CHCHD4: variants seen among roughly 807,000 people sequenced by gnomAD.
CHCHD4 encodes the protein mitochondrial intermembrane space import and assembly protein 40.
CHCHD4 carries 7 observed loss-of-function variants against 12.4 expected under a neutral mutation model. That is an observed-to-expected ratio of 0.57 (90% CI 0.32 to 1.06). The LOEUF is 1.06. Among genes scored for constraint, CHCHD4 ranks in the 50% least tolerant of loss-of-function variants. The pLI, the probability that CHCHD4 is intolerant of heterozygous loss-of-function variation, is 0.04. For synonymous variants in CHCHD4, 56 were observed against 58.0 expected, an observed-to-expected ratio of 0.97 and a Z score of 0.16; for missense variants, 143 against 175.1, an observed-to-expected ratio of 0.82 and a Z score of 1.03.
intron 2 of CHCHD4, among the ~76,000 whole-genome samples, chr3:14,113,763 T>C (rs1694847023): frequency 6.6e-6 from 1 of 152,216 alleles, no homozygotes; most frequent in African/African-American, 2.4e-5. Flanking sequence ...GAGAAGCTGG[T>C]GGCATACCAT....
chr3:14,115,094 A>G (rs73817811), intron 2 of CHCHD4, among the ~76,000 whole-genome samples: 2,434 of 152,308 alleles, frequency 0.016, 64 homozygotes, highest in African/African-American at 0.055. Flanking sequence ...ATGGTGGCTT[A>G]CTTGGTCCAC....
intron 1 of CHCHD4, among the ~76,000 whole-genome samples, chr3:14,124,408 CCT>C (rs1179359809): frequency 6.6e-6 from 1 of 152,210 alleles, no homozygotes; most frequent in African/African-American, 2.4e-5. Flanking sequence ...CGCACAGGCC[CCT>C]CTGAGGTCAG....
intron 1 of CHCHD4, chr3:14,122,182 T>G: frequency 6.8e-7 from 1 of 1,460,304 alleles, no homozygotes; most frequent in Non-Finnish European, 9.0e-7. Context: ...AAAGGATGTC[T>G]GAAGCCTCAG....
In CHCHD4 at chr3:14,118,941, T is replaced by C. The variant is rs57249591; in HGVS notation, c.23-2417A>G. 4.3e-3 allele frequency among the ~76,000 whole-genome samples: 659 copies of C among 152,190 alleles called. 10 individuals are homozygous for C. The highest frequency in any genetic ancestry group is 0.015 in the African/African-American group (623 of 41,522). On this transcript the variant is annotated intron_variant, in intron 1 of 2. Transcript: ENST00000396914. ...GCACAGAAAGCAAAGGGTCCAAACG[T>C]GGTAAAGTATGAGGCCCTCCTGGGG...
intron 1 of CHCHD4, among the ~76,000 whole-genome samples, chr3:14,118,055 T>C (rs1199507002): frequency 1.3e-5 from 2 of 152,252 alleles, no homozygotes. Flanking sequence ...ACAAGATCTT[T>C]CTTGTACTTT....
intron 1 of CHCHD4, chr3:14,121,819 T>A (rs1694937594): frequency 6.3e-7 from 1 of 1,596,600 alleles, no homozygotes; most frequent in African/African-American, 1.3e-5. Flanking sequence ...AAGATACAAC[T>A]CCCCCATACA....
chr3:14,124,587 G>T (rs1055415354), intron 1 of CHCHD4, 68 bp downstream of exon 1: 38 of 1,401,806 alleles, frequency 2.7e-5, no homozygotes, highest in Non-Finnish European at 3.7e-6. Context: ...TGGTCGCGGG[G>T]CGCCGGGGCC....
intron 2 of CHCHD4, among the ~76,000 whole-genome samples, chr3:14,113,633 T>TGGG (rs1694844839): frequency 1.6e-5 from 2 of 127,930 alleles, no homozygotes; most frequent in South Asian, 5.3e-4. Flanking sequence ...CCTGCCCCCC[T>TGGG]GAGCCCCTCT....
In CHCHD4 at chr3:14,123,770, G is replaced by A. The variant is rs4685072; in HGVS notation, c.22+885C>T. On this transcript the variant is annotated intron_variant, in intron 1 of 2. Transcript: ENST00000396914. ...CAACACTGGATACCAGGGCCTGGAG[G>A]GGTTAGGTGGGAGCTCAGGGCCAAG... 0.02 allele frequency among the ~76,000 whole-genome samples: 3,034 copies of A among 152,314 alleles called. 196 individuals carry two copies. In the East Asian group the frequency reaches 0.2, roughly 10 times the overall value.
At position 14,116,470 on chromosome 3, in the gene CHCHD4, G is replaced by T; in HGVS notation, c.77C>A (p.Ala26Glu). 6.2e-7 allele frequency: 1 copy of T among 1,613,798 alleles called. No homozygotes were observed. Among genetic ancestry groups the T allele is most frequent in the Middle Eastern group, 1.6e-4 (1 of 6,062 alleles). ...GTTGGGGTCATCAGCCACCAATTCT[G>T]CACTGCTTGGAGTTTCATGATCTTC... Reference protein sequence around the residue: ...TKEDHETPSSAELVADDPNDP... With the variant: ...TKEDHETPSSEELVADDPNDP... The change falls in exon 2 of 3, where the codon GCA becomes GAA. Residue 26 changes from alanine (A) to glutamate (E), a missense_variant. By Grantham distance (107) the Ala-to-Glu change is moderately radical (BLOSUM62 -1). Transcript: ENST00000396914.
At chr3:14,114,939 T>C (rs1694860594) in intron 2 of CHCHD4, among the ~76,000 whole-genome samples, 1 of 152,188 alleles carries the variant, frequency 6.6e-6, no homozygotes, top group African/African-American at 2.4e-5. Context: ...AGTTTTCTCA[T>C]TGGATCAGAT....
intron 1 of CHCHD4, chr3:14,122,048 G>A (rs1216928511): frequency 1.2e-6 from 2 of 1,609,406 alleles, no homozygotes; most frequent in Admixed American, 1.7e-5. Flanking sequence ...AGGGAAGGAG[G>A]GGAATAGACA....
rs1559356610 is a variant in CHCHD4 at position 14,116,503 on chromosome 3, A to G, written c.44T>C (p.Val15Ala). ...RQEGKDRIIF[V>A]TKEDHETPSS... ...TGGAGTTTCATGATCTTCTTTGGTT[A>G]CAAATATGATTCGATCCTTCCCTAG... Residue 15 changes from valine (V) to alanine (A), a missense_variant, in exon 2 of 3, where the codon GTA (valine) becomes GCA (alanine). Transcript: ENST00000396914. 6.2e-7 allele frequency: 1 copy of G among 1,612,198 alleles called. No homozygotes were observed. Among genetic ancestry groups the G allele is most frequent in the Non-Finnish European group, 8.5e-7 (1 of 1,178,188 alleles).
At chr3:14,122,196 G>A in intron 1 of CHCHD4, 1 of 1,429,084 alleles carries the variant, frequency 7.0e-7, no homozygotes, top group East Asian at 2.6e-5. Flanking sequence ...GCCTCAGGAA[G>A]CCTTCTCAGA....
intron 1 of CHCHD4, among the ~76,000 whole-genome samples, chr3:14,118,059 G>A (rs1694894524): frequency 6.6e-6 from 1 of 152,240 alleles, no homozygotes; most frequent in Non-Finnish European, 1.5e-5. Flanking sequence ...GATCTTTCTT[G>A]TACTTTCCTG....
At chr3:14,118,230 G>A (rs1003746401) in intron 1 of CHCHD4, among the ~76,000 whole-genome samples, 1 of 152,258 alleles carries the variant, frequency 6.6e-6, no homozygotes, top group Non-Finnish European at 1.5e-5. Context: ...GAGCCACAGT[G>A]CATGGCTCTG....
chr3:14,124,701 T>C lies in CHCHD4; in HGVS notation c.-25A>G. ...TGGCTGCAGCCCGTCCCTGAGACCT[T>C]GCAGAAGCGGCGGTGGCGGCAGCTG... On this transcript the variant is annotated 5_prime_UTR_variant, in exon 1 of 3. Transcript: ENST00000396914. 1 of 1,524,088 alleles carries C rather than the reference T, an allele frequency of 6.6e-7. No homozygotes were observed. The highest frequency in any genetic ancestry group is 8.8e-7 in the Non-Finnish European group (1 of 1,137,792). The allele number at this position is 1,524,088 out of a possible 1,614,324, so 94.4% of individuals were successfully genotyped here.
At chr3:14,121,305 T>C (rs1289732895) in intron 1 of CHCHD4, among the ~76,000 whole-genome samples, 1 of 152,182 alleles carries the variant, frequency 6.6e-6, no homozygotes, top group Non-Finnish European at 1.5e-5. Context: ...GAAAGGGAGC[T>C]GGAACTTAAT....
rs576215886 is a variant in CHCHD4, at chr3:14,114,302, C to G, written c.122-1108G>C. ...CTGCCCCCTTAGCAGGCGCAGACCC[C>G]CAGGACCATCAGCAGTTGCAGATCA... is the stretch of plus-strand genomic sequence containing the variant. On this transcript the variant is annotated intron_variant, in intron 2 of 2. Transcript: ENST00000396914. Among the ~76,000 whole-genome samples, 74 of 152,272 alleles carry G rather than the reference C, an allele frequency of 4.9e-4. 1 individual carries two copies. The highest frequency in any genetic ancestry group is 9.2e-4 in the Admixed American group (14 of 15,298).
Sources: gnomAD v4.1 joint callset for allele counts (sites outside exome capture counted in the v4.1 genomes callset) on GRCh38, gnomAD v4.1.1 for gene constraint, MANE v1.5 for transcripts, NCBI Gene and HGNC (gene_info 2026-07-23, HGNC 2026-07-21) for gene names.